Variants in ASCC1 observed in about 807,000 individuals in gnomAD.
ASCC1 encodes ASC-1 complex subunit P50.
Under a neutral mutation model 46.6 loss-of-function variants are expected in ASCC1, and 35 were observed. The observed-to-expected ratio is 0.75, with a 90% CI of 0.57 to 0.99. The LOEUF is 0.99. Ranked by LOEUF, ASCC1 falls within the 50% of genes least tolerant of loss-of-function variation. The probability of loss-of-function intolerance (pLI) is 0.00; values close to 1 mark genes in which losing one functional copy is unlikely to be tolerated. For synonymous variants in ASCC1, 143 were observed against 146.6 expected (o/e 0.98, Z 0.18); for missense variants, 376 against 428.7 (o/e 0.88, Z 1.09).
chr10:72,193,053 T>C (rs908928457), intron 5 of ASCC1, among the ~76,000 whole-genome samples: 4 of 152,336 alleles, frequency 2.6e-5, no homozygotes, highest in Admixed American at 2.0e-4. Context: ...AAACAGTACA[T>C]GCATTCTGAA....
At position 72,203,443 on chromosome 10, in the gene ASCC1, T is replaced by C; in HGVS notation, c.294A>G (p.Gly98=). The change falls in exon 4 of 10, where the codon GGA becomes GGG. Residue 98 remains glycine, a synonymous_variant. Coordinates refer to ENST00000672957, the MANE Select transcript of ASCC1 (RefSeq NM_001198800.3). ...GAGTCTCACCAATTTCCCCGTCTTGTCCAGGTTTAGGAATGCTAATAGAAG... is the reference window on the plus strand; with the variant it reads ...GAGTCTCACCAATTTCCCCGTCTTGCCCAGGTTTAGGAATGCTAATAGAAG... ...TKTSISIPKP[G]QDGEIVITGQ... 2 of 1,613,224 alleles carry C rather than the reference T, an allele frequency of 1.2e-6. No homozygotes were observed. Among genetic ancestry groups the C allele is most frequent in the Non-Finnish European group, 1.7e-6 (2 of 1,179,210 alleles).
At chr10:72,171,832 A>G (rs1851128038) in intron 5 of ASCC1, among the ~76,000 whole-genome samples, 1 of 152,212 alleles carries the variant, frequency 6.6e-6, no homozygotes, top group Admixed American at 6.5e-5. Context: ...ATATCTTTGG[A>G]GGGCCATTGT....
intron 9 of ASCC1, among the ~76,000 whole-genome samples, chr10:72,120,878 A>G (rs955032432): frequency 6.6e-6 from 1 of 152,132 alleles, no homozygotes; most frequent in Non-Finnish European, 1.5e-5. Context: ...ATATGCTAAG[A>G]AAGAAGAGAA....
At chr10:72,133,497 T>C (rs77293477) in intron 7 of ASCC1, 7,476 of 324,894 alleles carry the variant, frequency 0.023, 551 homozygotes, top group African/African-American at 0.14. Flanking sequence ...TCATTAAAGA[T>C]TTGCAAATAA....
At chr10:72,184,250 A>G (rs1170981002) in intron 5 of ASCC1, among the ~76,000 whole-genome samples, 3 of 151,998 alleles carry the variant, frequency 2.0e-5, no homozygotes, top group Non-Finnish European at 4.4e-5. Context: ...AAAAAAAAAT[A>G]AAGAAGAGAC....
intron 5 of ASCC1, among the ~76,000 whole-genome samples, chr10:72,171,345 G>C (rs960751905): frequency 1.3e-5 from 2 of 152,090 alleles, no homozygotes; most frequent in Non-Finnish European, 2.9e-5. Context: ...GAGGCTACCT[G>C]AATGTCTTGG....
intron 5 of ASCC1, among the ~76,000 whole-genome samples, chr10:72,185,191 C>T (rs1853272287): frequency 1.3e-5 from 2 of 152,192 alleles, no homozygotes; most frequent in Admixed American, 1.3e-4. Context: ...TGTAAAAGGG[C>T]ACAACCACCT....
chr10:72,190,535 T>G, intron 5 of ASCC1: 1 of 1,527,726 alleles, frequency 6.5e-7, no homozygotes, highest in South Asian at 1.1e-5. Flanking sequence ...CAGGGCAGCT[T>G]GGAGAAGGCG....
intron 6 of ASCC1, among the ~76,000 whole-genome samples, chr10:72,156,991 G>A (rs1488936190): frequency 1.3e-5 from 2 of 152,000 alleles, no homozygotes; most frequent in African/African-American, 2.4e-5. Flanking sequence ...TATTTTAGGC[G>A]GACACTTTTC....
chr10:72,200,815 A>G (rs1399993096), intron 4 of ASCC1, among the ~76,000 whole-genome samples: 1 of 152,156 alleles, frequency 6.6e-6, no homozygotes, highest in African/African-American at 2.4e-5. Flanking sequence ...AGTCCTTCCA[A>G]ATGCTGTTAA....
chr10:72,202,594 C>T (rs1856647518), intron 4 of ASCC1, among the ~76,000 whole-genome samples: 1 of 152,128 alleles, frequency 6.6e-6, no homozygotes, highest in Non-Finnish European at 1.5e-5. Context: ...AGGCTTGGTA[C>T]AGACACTTTC....
intron 1 of ASCC1, among the ~76,000 whole-genome samples, chr10:72,214,537 G>A (rs976538664): frequency 4.0e-5 from 6 of 151,394 alleles, no homozygotes; most frequent in African/African-American, 1.2e-4. Flanking sequence ...CACCACCCCC[G>A]GCTAATTTTT....
intron 7 of ASCC1, among the ~76,000 whole-genome samples, chr10:72,147,154 A>G (rs1279366599): frequency 3.3e-5 from 5 of 151,636 alleles, no homozygotes; most frequent in African/African-American, 4.9e-5. Context: ...AGGAAGAGGA[A>G]TAGACAATAG....
chr10:72,217,063 C>T (rs1488962348), upstream of ASCC1: 2 of 453,948 alleles, frequency 4.4e-6, no homozygotes, highest in Admixed American at 2.4e-5. Flanking sequence ...TTCATTCATC[C>T]GAAATGCTCG....
At position 72,096,604 on chromosome 10, in the gene ASCC1, A is replaced by G. The variant is rs1841119431; in HGVS notation, c.*730T>C. 2.2e-6 allele frequency: 1 copy of G among 453,772 alleles called. No homozygotes were observed. The highest frequency in any genetic ancestry group is 4.4e-6 in the Non-Finnish European group (1 of 226,492). The allele number at this position is 453,772 out of a possible 1,614,324, so 28.1% of individuals were successfully genotyped here. ...GAATTAAAGGCAGAGTCTCAAAGAG[A>G]TATTTGCACCCCCGTGTCTGTATTA... On this transcript the variant is annotated 3_prime_UTR_variant, in exon 10 of 10. Coordinates refer to ENST00000672957, the MANE Select transcript of ASCC1 (RefSeq NM_001198800.3).
chr10:72,193,123 C>G (rs891732761), intron 5 of ASCC1, among the ~76,000 whole-genome samples: 1 of 152,130 alleles, frequency 6.6e-6, no homozygotes, highest in Admixed American at 6.6e-5. Context: ...CACAGCAACC[C>G]CATTCCTGGG....
chr10:72,129,805 T>C (rs1024512025), intron 8 of ASCC1, among the ~76,000 whole-genome samples: 5 of 148,586 alleles, frequency 3.4e-5, no homozygotes, highest in African/African-American at 1.0e-4. Flanking sequence ...AAACTTCATC[T>C]TAGGAAAAAA....
Position 72,108,186 on chromosome 10 carries a change from C to A in ASCC1, c.958-10736G>T, listed in dbSNP as rs146912579. Among the ~76,000 whole-genome samples the A allele has an allele frequency of 2.0e-3, 302 of 151,752 alleles. 3 individuals are homozygous for A. The highest frequency in any genetic ancestry group is 7.0e-3 in the African/African-American group (291 of 41,364). ...CCACCTCCCAGGCGCAAGAGATCCT[C>A]CCTCCTCAGTCTCCTGAGTAGCTGA... On this transcript the variant is annotated intron_variant, in intron 9 of 9. Coordinates refer to ENST00000672957, the MANE Select transcript of ASCC1 (RefSeq NM_001198800.3).
At chr10:72,148,856 TA>T (rs796874833) in intron 7 of ASCC1, among the ~76,000 whole-genome samples, 5 of 148,962 alleles carry the variant, frequency 3.4e-5, no homozygotes, top group South Asian at 2.1e-4. Context: ...AACTAATCTT[TA>T]AAAAAAAAAC....
Sources: gnomAD v4.1 joint callset for allele counts (sites outside exome capture counted in the v4.1 genomes callset) on GRCh38, gnomAD v4.1.1 for gene constraint, MANE v1.5 for transcripts, NCBI Gene and HGNC (gene_info 2026-07-23, HGNC 2026-07-21) for gene names.